Variants in PRICKLE1 observed in about 807,000 individuals in gnomAD.
The protein encoded by PRICKLE1 is prickle-like protein 1.
A neutral mutation model predicts 70.2 loss-of-function variants in PRICKLE1; 14 were observed. The observed-to-expected ratio is 0.20, with a 90% confidence interval of 0.13 to 0.31. The LOEUF (loss-of-function observed/expected upper bound fraction) is 0.31. Among genes scored for constraint, PRICKLE1 ranks in the 10% least tolerant of loss-of-function variants. The probability of loss-of-function intolerance (pLI) is 1.00; values close to 1 mark genes in which losing one functional copy is unlikely to be tolerated. For missense variants in PRICKLE1, 821 were observed against 1,026.2 expected (o/e 0.80, Z 2.73); for synonymous variants, 357 against 379.9 (o/e 0.94, Z 0.70).
At chr12:42,570,114 T>C (rs1372045596) in intron 1 of PRICKLE1, among the ~76,000 whole-genome samples, 1 of 152,270 alleles carries the variant, frequency 6.6e-6, no homozygotes, top group Non-Finnish European at 1.5e-5. Flanking sequence ...TGAGCGGTTA[T>C]GACCGCCTAC....
At position 42,469,583 on chromosome 12, in the gene PRICKLE1, C is replaced by T. The variant is rs766439768; in HGVS notation, c.251G>A (p.Arg84Gln). The T allele has an allele frequency of 9.9e-6, 16 of 1,613,954 alleles. No homozygotes were observed. Among genetic ancestry groups the T allele is most frequent in the South Asian group, 3.3e-5 (3 of 91,086 alleles). ...YQLPPHDNEV[R>Q]YCQSLSEEEK... Reference sequence around the variant, plus strand: ...CTCTTCACTCAAAGACTGGCAATACCGTACCTTCACAGAAAGCAAAACAGA... The same window carrying T: ...CTCTTCACTCAAAGACTGGCAATACTGTACCTTCACAGAAAGCAAAACAGA... The change falls in exon 4 of 8, where the codon CGG becomes CAG. Residue 84 changes from arginine to glutamine, a missense_variant. Coordinates refer to ENST00000345127, the MANE Select transcript of PRICKLE1 (RefSeq NM_153026.3).
intron 1 of PRICKLE1, among the ~76,000 whole-genome samples, chr12:42,503,467 C>G (rs1939352344): frequency 6.6e-6 from 1 of 151,924 alleles, no homozygotes; most frequent in Non-Finnish European, 1.5e-5. Context: ...CGGAATTTTC[C>G]CAAAATAGAC....
chr12:42,472,622 C>T (rs1460100469), intron 1 of PRICKLE1, 58 bp from the exon 2 acceptor site: 20 of 1,422,302 alleles, frequency 1.4e-5, no homozygotes, highest in Middle Eastern at 2.3e-4. Context: ...TTTCTCTTAC[C>T]CCCGACCCAG....
At chr12:42,556,619 G>A (rs1324320840) in intron 1 of PRICKLE1, among the ~76,000 whole-genome samples, 2 of 152,126 alleles carry the variant, frequency 1.3e-5, no homozygotes, top group African/African-American at 4.8e-5. Flanking sequence ...ACGAAGTAGG[G>A]ACCTTAATGA....
At chr12:42,483,410 GC>G (rs1333973348) in intron 1 of PRICKLE1, 1 of 151,922 alleles carries the variant, frequency 6.6e-6, no homozygotes, top group African/African-American at 2.4e-5. Context: ...GCGGCCTGCA[GC>G]CCCTCGCGGC....
intron 1 of PRICKLE1, among the ~76,000 whole-genome samples, chr12:42,473,600 C>G (rs930002514): frequency 6.6e-6 from 1 of 152,162 alleles, no homozygotes; most frequent in Non-Finnish European, 1.5e-5. Context: ...AGAGATGGAG[C>G]TTTTTTATAC....
intron 1 of PRICKLE1, among the ~76,000 whole-genome samples, chr12:42,587,600 C>T (rs774568558): frequency 3.3e-5 from 5 of 152,202 alleles, no homozygotes; most frequent in South Asian, 2.1e-4. Flanking sequence ...TTTCCTGACT[C>T]GCCAGTTGAT....
At chr12:42,475,007 C>T (rs773469145) in intron 1 of PRICKLE1, among the ~76,000 whole-genome samples, 1 of 152,208 alleles carries the variant, frequency 6.6e-6, no homozygotes, top group African/African-American at 2.4e-5. Flanking sequence ...CAGCTGTACT[C>T]CCTGATTAGC....
chr12:42,476,111 A>G (rs1938519293), intron 1 of PRICKLE1, among the ~76,000 whole-genome samples: 1 of 144,366 alleles, frequency 6.9e-6, no homozygotes, highest in African/African-American at 2.5e-5. Context: ...AAAAAAAAAA[A>G]GTTATATGGC....
chr12:42,459,732 T>A lies in PRICKLE1; in HGVS notation c.*77A>T. 1 of 1,568,188 alleles carries A rather than the reference T, an allele frequency of 6.4e-7. No individual in the cohort carries two copies. The highest frequency in any genetic ancestry group is 8.8e-7 in the Non-Finnish European group (1 of 1,140,930). ...AAGCACTTTAAACTATTTTCACAAC[T>A]TTCCTACGGAAGAAAAGGAAACGAT... On this transcript the variant is annotated 3_prime_UTR_variant, in exon 8 of 8. Coordinates refer to ENST00000345127, the MANE Select transcript of PRICKLE1 (RefSeq NM_153026.3).
At chr12:42,580,648 T>C (rs191469078) in intron 1 of PRICKLE1, among the ~76,000 whole-genome samples, 6 of 152,330 alleles carry the variant, frequency 3.9e-5, no homozygotes, top group African/African-American at 1.2e-4. Context: ...CTTGAGTTTT[T>C]GGACTCCCTG....
chr12:42,586,922 C>CAACTAGACTT (rs1940995481), intron 1 of PRICKLE1, among the ~76,000 whole-genome samples: 2 of 152,194 alleles, frequency 1.3e-5, no homozygotes, highest in African/African-American at 4.8e-5. Context: ...ATATTAGGAA[C>CAACTAGACTT]AACTAGACTT....
chr12:42,550,818 T>G (rs1324159351), intron 1 of PRICKLE1, among the ~76,000 whole-genome samples: 1 of 152,212 alleles, frequency 6.6e-6, no homozygotes, highest in East Asian at 1.9e-4. Context: ...GGAGACATTA[T>G]AAAATTGTCA....
At position 42,458,163 on chromosome 12, in the gene PRICKLE1, C is replaced by T. The variant is rs977380353; in HGVS notation, c.*1646G>A. 61 of 152,166 alleles carry T rather than the reference C, an allele frequency of 4.0e-4. No homozygotes were observed. Among genetic ancestry groups the T allele is most frequent in the African/African-American group, 1.4e-3 (58 of 41,424 alleles). 9.4% of individuals were successfully genotyped at this position (152,166 alleles called of 1,614,324 possible). A position where few individuals can be genotyped will look rare whatever the true frequency, so the allele number is the denominator to read the frequency against. On this transcript the variant is annotated 3_prime_UTR_variant, in exon 8 of 8. Coordinates refer to ENST00000345127, the MANE Select transcript of PRICKLE1 (RefSeq NM_153026.3). ...CCCTAAGGCCAAATTTTCCCCACTCCAGTCTATATGGAAAAAATAAGCCTC... is the reference window on the plus strand; with the variant it reads ...CCCTAAGGCCAAATTTTCCCCACTCTAGTCTATATGGAAAAAATAAGCCTC...
At chr12:42,468,541 T>C in intron 5 of PRICKLE1, 85 bp downstream of exon 5, 1 of 1,197,376 alleles carries the variant, frequency 8.4e-7, no homozygotes, top group Non-Finnish European at 1.2e-6. Flanking sequence ...CAGGAAATTT[T>C]AGTATTTTGC....
At chr12:42,502,256 T>C (rs1260823076) in intron 1 of PRICKLE1, among the ~76,000 whole-genome samples, 1 of 145,104 alleles carries the variant, frequency 6.9e-6, no homozygotes. Context: ...TACACACCTA[T>C]ATATATATAC....
intron 1 of PRICKLE1, among the ~76,000 whole-genome samples, chr12:42,517,462 G>A (rs576946251): frequency 1.7e-4 from 26 of 151,912 alleles, no homozygotes; most frequent in South Asian, 6.2e-4. Context: ...ACAGGCGCCC[G>A]CCACCACGCC....
intron 1 of PRICKLE1, among the ~76,000 whole-genome samples, chr12:42,540,899 C>G (rs1429019756): frequency 6.6e-6 from 1 of 152,092 alleles, no homozygotes; most frequent in Non-Finnish European, 1.5e-5. Context: ...CTCCTTACTC[C>G]TTAAGATCCT....
intron 1 of PRICKLE1, among the ~76,000 whole-genome samples, chr12:42,586,390 C>CTT (rs76144587): frequency 7.0e-6 from 1 of 142,790 alleles, no homozygotes; most frequent in Admixed American, 7.0e-5. Context: ...TTAAAATTAC[C>CTT]TTTTTTTTTT....
Sources: gnomAD v4.1 joint callset for allele counts (sites outside exome capture counted in the v4.1 genomes callset) on GRCh38, gnomAD v4.1.1 for gene constraint, MANE v1.5 for transcripts, NCBI Gene and HGNC (gene_info 2026-07-23, HGNC 2026-07-21) for gene names.